The following GLUD1 variants were observed in gnomAD, a reference collection of about 807,000 sequenced individuals.
GLUD1 encodes glutamate dehydrogenase 1, also known as glutamate dehydrogenase 1, mitochondrial.
Under a neutral mutation model 56.0 loss-of-function variants are expected in GLUD1, and 22 were observed. The observed-to-expected ratio is 0.39, with a 90% CI of 0.28 to 0.56. The LOEUF (loss-of-function observed/expected upper bound fraction) is 0.56. Among genes scored for constraint, GLUD1 ranks in the 20% least tolerant of loss-of-function variants. The pLI is 0.58. For synonymous variants in GLUD1, 223 were observed against 269.9 expected, an observed-to-expected ratio of 0.83 and a Z score of 1.70; for missense variants, 451 against 732.0, an observed-to-expected ratio of 0.62 and a Z score of 4.43.
At chr10:87,060,419 T>G in intron 8 of GLUD1, 178 bp from the exon 9 acceptor site, 1 of 670,958 alleles carries the variant, frequency 1.5e-6, no homozygotes, top group Non-Finnish European at 2.6e-6. Context: ...CACTTTTCTA[T>G]TTATCTAGGT....
chr10:87,060,872 A>T, intron 7 of GLUD1, 43 bp downstream of exon 7: 5 of 1,613,900 alleles, frequency 3.1e-6, no homozygotes, highest in Non-Finnish European at 4.2e-6. Context: ...CAGAGTTTTA[A>T]ATATTTATAT....
In GLUD1 at chr10:87,094,210, G is replaced by T; in HGVS notation, c.445+115C>A. On this transcript the variant is annotated intron_variant, in intron 1 of 12. Transcript: ENST00000277865. This position sits in a 1 kb window ranked among gnomAD's most constrained non-coding sequence, Gnocchi z 6.6. ...GCGGGGTGACCCGGGCGGGGACCCG[G>T]CCCGCTCCAGCTGGGCTGGGCTGGG... 7.1e-7 allele frequency: 1 copy of T among 1,410,184 alleles called. No homozygotes were observed. Among genetic ancestry groups the T allele is most frequent in the African/African-American group, 1.4e-5 (1 of 69,484 alleles). The allele number at this position is 1,410,184 out of a possible 1,614,324, so 87.4% of individuals were successfully genotyped here.
At chr10:87,066,097 C>T (rs1363314637) in intron 5 of GLUD1, among the ~76,000 whole-genome samples, 1 of 152,202 alleles carries the variant, frequency 6.6e-6, no homozygotes, top group Admixed American at 6.5e-5. Context: ...TTGTCTATCT[C>T]TTGCACCGGT....
rs760101776 is a variant in GLUD1, at chr10:87,051,687, A to G, written c.*64T>C. ...AAGGGATTTCTGTGGTTACATGTAA[A>G]CTTGTGATAGGTCTGCAGAAGTTAC... On this transcript the variant is annotated 3_prime_UTR_variant, in exon 13 of 13. Transcript: ENST00000277865. The G allele has an allele frequency of 9.6e-5, 150 of 1,565,696 alleles. No homozygotes were observed. The highest frequency in any genetic ancestry group is 1.2e-4 in the Non-Finnish European group (140 of 1,137,844).
intron 1 of GLUD1, among the ~76,000 whole-genome samples, chr10:87,079,852 G>A (rs961230347): frequency 1.3e-5 from 2 of 151,632 alleles, no homozygotes; most frequent in African/African-American, 2.4e-5. Flanking sequence ...AAATTCACAG[G>A]AAATAGTAAA....
At chr10:87,055,704 C>T (rs1415572142) in intron 11 of GLUD1, among the ~76,000 whole-genome samples, 2 of 151,696 alleles carry the variant, frequency 1.3e-5, no homozygotes, top group African/African-American at 4.9e-5. Flanking sequence ...CTGAGGGGAA[C>T]GGTTAGTACC....
At chr10:87,066,480 G>A (rs1437797151) in intron 5 of GLUD1, among the ~76,000 whole-genome samples, 1 of 151,978 alleles carries the variant, frequency 6.6e-6, no homozygotes, top group Non-Finnish European at 1.5e-5. Context: ...TCTCAACTCT[G>A]GCCACAGTAG....
intron 4 of GLUD1, 73 bp downstream of exon 4, chr10:87,074,478 A>G (rs547786096): frequency 7.3e-5 from 60 of 819,884 alleles, no homozygotes; most frequent in Non-Finnish European, 1.2e-4. Context: ...ACAGAGTGAG[A>G]CTCCGTCTCA....
rs148463565 is a variant in GLUD1 at position 87,062,648 on chromosome 10, G to A, written c.921+8C>T. The A allele has an allele frequency of 3.7e-6, 6 of 1,608,834 alleles. No individual in the cohort carries two copies. In the African/African-American group the frequency reaches 8.0e-5, roughly 22 times the overall value. The stretch of plus-strand genomic sequence containing the variant: ...TATTAAGGAAACTTTTTTTGTTTTT[G>A]TTTTTACCTGAACAACAAATGTTTT... On this transcript the variant is annotated splice_region_variant and intron_variant, in intron 6 of 12. Transcript: ENST00000277865.
intron 4 of GLUD1, among the ~76,000 whole-genome samples, chr10:87,072,988 G>A (rs1846279684): frequency 6.6e-6 from 1 of 152,230 alleles, no homozygotes; most frequent in Non-Finnish European, 1.5e-5. Flanking sequence ...TGCTGGGTAT[G>A]CGGCACATCA....
At chr10:87,091,924 C>T (rs903267938) in intron 1 of GLUD1, among the ~76,000 whole-genome samples, 2 of 151,086 alleles carry the variant, frequency 1.3e-5, no homozygotes, top group African/African-American at 2.4e-5. Context: ...GTAAGAAGAA[C>T]GTGTTAAAAT....
chr10:87,094,572 G>A lies in GLUD1; in HGVS notation c.198C>T (p.Phe66=). Residue 66 remains phenylalanine, a synonymous_variant, in exon 1 of 13, where the codon TTC becomes TTT. Coordinates refer to ENST00000277865, the MANE Select transcript of GLUD1 (RefSeq NM_005271.5). The surrounding 1 kb of genome is among the most constrained non-coding windows in gnomAD (Gnocchi z 6.6). ...CGAAGAAGCCCTCCACCATCTTGAA[G>A]AAGTTGGGGTCGTCCTCGCGGTCGG... ...AVADREDDPN[F]FKMVEGFFDR... is the part of the protein sequence containing the mutation. 1 of 1,611,924 alleles carries A rather than the reference G, an allele frequency of 6.2e-7. No individual in the cohort carries two copies. Among genetic ancestry groups the A allele is most frequent in the Non-Finnish European group, 8.5e-7 (1 of 1,179,884 alleles).
intron 8 of GLUD1, 57 bp downstream of exon 8, chr10:87,060,630 AC>A: frequency 1.2e-6 from 2 of 1,603,012 alleles, no homozygotes; most frequent in Non-Finnish European, 1.7e-6. Flanking sequence ...CTCTTCTATG[AC>A]CCCCCTAACG....
At chr10:87,080,854 T>G (rs1589377919) in intron 1 of GLUD1, among the ~76,000 whole-genome samples, 3 of 126,918 alleles carry the variant, frequency 2.4e-5, no homozygotes, top group South Asian at 2.6e-4. Context: ...GGTGGGGGGG[T>G]CAGCCCCCCG....
chr10:87,064,003 C>T (rs1026841412), intron 5 of GLUD1, among the ~76,000 whole-genome samples: 4 of 152,026 alleles, frequency 2.6e-5, no homozygotes, highest in Admixed American at 6.5e-5. Flanking sequence ...CTCAGCCTCC[C>T]GATAGCTGGG....
intron 1 of GLUD1, among the ~76,000 whole-genome samples, chr10:87,088,982 G>A (rs568318957): frequency 5.3e-5 from 8 of 152,250 alleles, no homozygotes; most frequent in Non-Finnish European, 1.2e-4. Flanking sequence ...TCAGGTCTTC[G>A]GAGTTGGGTG....
In GLUD1 at chr10:87,094,395, G is replaced by T; in HGVS notation, c.375C>A (p.Asp125Glu). 1 of 1,613,390 alleles carries T rather than the reference G, an allele frequency of 6.2e-7. No individual in the cohort carries two copies. The highest frequency in any genetic ancestry group is 8.5e-7 in the Non-Finnish European group (1 of 1,179,890). The change falls in exon 1 of 13, where the codon GAC (aspartate) becomes GAA (glutamate). Residue 125 changes from aspartate (D) to glutamate (E), a missense_variant. Physicochemically the swap from Asp to Glu is conservative, Grantham distance 45. Around this residue, in one of 4 missense-constraint regions of GLUD1, gnomAD observed 158 missense variants for 189.7 expected, o/e 0.83. Transcript: ENST00000277865. This position sits in a 1 kb window ranked among gnomAD's most constrained non-coding sequence, Gnocchi z 6.6. Reference protein sequence around the residue: ...VLSLSFPIRRDDGSWEVIEGY... With the variant: ...VLSLSFPIRREDGSWEVIEGY... ...CTTCGATGACCTCCCAGGAGCCGTCGTCGCGCCGGATGGGGAAGGAGAGAC... is the reference window on the plus strand; with the variant it reads ...CTTCGATGACCTCCCAGGAGCCGTCTTCGCGCCGGATGGGGAAGGAGAGAC...
Position 87,051,659 on chromosome 10 carries a change from A to G in GLUD1, c.*92T>C. ...GTATCCATTATTAATGAGTCAGGAGAGAAAGGGATTTCTGTGGTTACATGT... is the reference window on the plus strand; with the variant it reads ...GTATCCATTATTAATGAGTCAGGAGGGAAAGGGATTTCTGTGGTTACATGT... On this transcript the variant is annotated 3_prime_UTR_variant, in exon 13 of 13. Transcript: ENST00000277865. The G allele has an allele frequency of 7.3e-7, 1 of 1,365,886 alleles. No homozygotes were observed. The highest frequency in any genetic ancestry group is 1.0e-6 in the Non-Finnish European group (1 of 955,454). The allele number at this position is 1,365,886 out of a possible 1,614,324, so 84.6% of individuals were successfully genotyped here. A position where few individuals can be genotyped will look rare whatever the true frequency, so the allele number is the denominator to read the frequency against.
chr10:87,074,400 C>G (rs1234925084), intron 4 of GLUD1, 151 bp downstream of exon 4: 7 of 647,100 alleles, frequency 1.1e-5, no homozygotes, highest in Non-Finnish European at 2.0e-5. Context: ...ACTTGGGAGG[C>G]TGAGACAAGA....
Sources: allele counts gnomAD v4.1 joint callset (sites outside exome capture counted in the v4.1 genomes callset), GRCh38; gene constraint gnomAD v4.1.1; regional missense constraint gnomAD v4.1.1; non-coding constraint Gnocchi (gnomAD v3.1); transcripts MANE v1.5; gene names NCBI Gene and HGNC (gene_info 2026-07-23, HGNC 2026-07-21).